SMARCC1: variants seen among roughly 807,000 people sequenced by gnomAD.
SMARCC1 encodes SWI/SNF related BAF chromatin remodeling complex subunit C1.
Under a neutral mutation model 147.4 loss-of-function variants are expected in SMARCC1, and 43 were observed. That is an observed-to-expected ratio of 0.29 (90% CI 0.23 to 0.38). The LOEUF is 0.38. Ranked by LOEUF, SMARCC1 falls within the 10% of genes least tolerant of loss-of-function variation. The pLI is 1.00. For synonymous variants in SMARCC1, 495 were observed against 484.4 expected (o/e 1.02, Z -0.29); for missense variants, 1,119 against 1,381.1 (o/e 0.81, Z 3.01).
chr3:47,671,798 G>T (rs1301887559), intron 18 of SMARCC1, among the ~76,000 whole-genome samples: 2 of 152,014 alleles, frequency 1.3e-5, no homozygotes, highest in Admixed American at 6.6e-5. Flanking sequence ...ACTCTATTTT[G>T]AGAGATTACC....
At chr3:47,752,685 T>A (rs772903756) in intron 2 of SMARCC1, among the ~76,000 whole-genome samples, 2 of 151,824 alleles carry the variant, frequency 1.3e-5, no homozygotes, top group Non-Finnish European at 2.9e-5. Flanking sequence ...AGCTACCCAG[T>A]AGGCTGAGTC....
At chr3:47,746,910 A>C (rs1470816850) in intron 2 of SMARCC1, among the ~76,000 whole-genome samples, 2 of 151,868 alleles carry the variant, frequency 1.3e-5, no homozygotes, top group Middle Eastern at 3.2e-3. Context: ...TTGCATTTTT[A>C]GTAGAGACAG....
chr3:47,722,009 G>A (rs1292099526), intron 6 of SMARCC1, among the ~76,000 whole-genome samples: 2 of 152,040 alleles, frequency 1.3e-5, no homozygotes, highest in East Asian at 1.9e-4. Flanking sequence ...GCAAAAATGA[G>A]TCTCCATCTC....
chr3:47,725,461 T>TA (rs1436517220), intron 6 of SMARCC1, among the ~76,000 whole-genome samples: 11 of 151,968 alleles, frequency 7.2e-5, no homozygotes, highest in South Asian at 2.1e-4. Flanking sequence ...TATATATATA[T>TA]TTTTTTGGAG....
intron 26 of SMARCC1, among the ~76,000 whole-genome samples, chr3:47,607,754 T>A (rs1220668966): frequency 6.6e-6 from 1 of 152,068 alleles, no homozygotes; most frequent in Non-Finnish European, 1.5e-5. Flanking sequence ...AATTTTAGCA[T>A]CAAAAAAAGC....
chr3:47,648,331 A>G (rs1207252777), intron 21 of SMARCC1, among the ~76,000 whole-genome samples: 1 of 151,958 alleles, frequency 6.6e-6, no homozygotes. Context: ...CTCAAATACT[A>G]CTTTTTTTTG....
rs867447903 is a variant in SMARCC1 at position 47,751,145 on chromosome 3, G to A, written c.316-5152C>T. ...ATTCCTGACCTTAGGTGATCCGCCC[G>A]CCTCAGCCTCCCAAAGTGCTGGGAT... is the stretch of plus-strand genomic sequence containing the variant. On this transcript the variant is annotated intron_variant, in intron 2 of 27. Transcript: ENST00000254480. 9.9e-5 allele frequency among the ~76,000 whole-genome samples: 15 copies of A among 151,836 alleles called. 1 individual carries two copies. The South Asian group carries it at 1.0e-3, about 11-fold the overall frequency.
chr3:47,603,985 C>T lies in SMARCC1; in HGVS notation c.3043+6081G>A, dbSNP rs184167035. 17 of 456,780 alleles carry T rather than the reference C, an allele frequency of 3.7e-5. No individual in the cohort carries two copies. The Middle Eastern group carries it at 1.3e-3, about 35-fold the overall frequency. The allele number at this position is 456,780 out of a possible 1,614,324, so 28.3% of individuals were successfully genotyped here. ...AAGAGCCAAGGAAGAGCAATAGAGG[C>T]ATGCACGCAGTAGTCTCCAAACAAA... is the stretch of plus-strand genomic sequence containing the variant. On this transcript the variant is annotated intron_variant, in intron 26 of 27. Transcript: ENST00000254480.
intron 25 of SMARCC1, among the ~76,000 whole-genome samples, chr3:47,621,834 A>G (rs2106684744): frequency 6.6e-6 from 1 of 151,788 alleles, no homozygotes; most frequent in Non-Finnish European, 1.5e-5. Flanking sequence ...AAAAAAAAAA[A>G]GAAAGAAAAT....
At chr3:47,670,912 G>A (rs1329153525) in intron 18 of SMARCC1, among the ~76,000 whole-genome samples, 195 bp from the exon 19 acceptor site, 4 of 151,964 alleles carry the variant, frequency 2.6e-5, no homozygotes, top group East Asian at 1.9e-4. Context: ...CTGGCCAGGC[G>A]TGGTAGCTCC....
At chr3:47,773,150 G>A (rs2034935338) in intron 1 of SMARCC1, among the ~76,000 whole-genome samples, 2 of 151,506 alleles carry the variant, frequency 1.3e-5, no homozygotes, top group Non-Finnish European at 1.5e-5. Flanking sequence ...TCTTTGAGAC[G>A]GAGCTTCGGT....
chr3:47,744,160 A>G (rs1041195384), intron 3 of SMARCC1, among the ~76,000 whole-genome samples: 2 of 152,044 alleles, frequency 1.3e-5, no homozygotes, highest in Admixed American at 6.6e-5. Context: ...ACTTTAGTCA[A>G]TATCTTTTTT....
chr3:47,623,264 G>A (rs2032761695), intron 24 of SMARCC1, among the ~76,000 whole-genome samples: 1 of 149,272 alleles, frequency 6.7e-6, no homozygotes, highest in African/African-American at 2.5e-5. Flanking sequence ...CTGAGTAGCT[G>A]TGACAAGCCA....
intron 21 of SMARCC1, among the ~76,000 whole-genome samples, chr3:47,642,619 A>AAC (rs2033063807): frequency 7.4e-6 from 1 of 135,642 alleles, no homozygotes; most frequent in African/African-American, 2.6e-5. Flanking sequence ...ACAACAACAA[A>AAC]AACCTAATAG....
At chr3:47,749,763 A>AGG in intron 2 of SMARCC1, among the ~76,000 whole-genome samples, 1 of 142,250 alleles carries the variant, frequency 7.0e-6, no homozygotes, top group Non-Finnish European at 1.5e-5. Context: ...AGAGAGAGAG[A>AGG]GAGGTGGCGG....
intron 24 of SMARCC1, among the ~76,000 whole-genome samples, chr3:47,633,404 GGA>G (rs2032919060): frequency 6.6e-6 from 1 of 152,008 alleles, no homozygotes; most frequent in South Asian, 2.1e-4. Context: ...TGAAGACTGA[GGA>G]AGGGCACAAA....
At chr3:47,672,488 G>C (rs1281695984) in intron 18 of SMARCC1, among the ~76,000 whole-genome samples, 1 of 152,142 alleles carries the variant, frequency 6.6e-6, no homozygotes, top group Non-Finnish European at 1.5e-5. Context: ...TTACAGGTGT[G>C]AGCCACCGCG....
At chr3:47,602,270 C>A (rs544145955) in intron 26 of SMARCC1, among the ~76,000 whole-genome samples, 2 of 151,946 alleles carry the variant, frequency 1.3e-5, no homozygotes, top group Admixed American at 6.6e-5. Context: ...CCAGGCTGGG[C>A]GACACAGCAA....
chr3:47,776,422 C>T (rs2034976106), intron 1 of SMARCC1, among the ~76,000 whole-genome samples: 1 of 152,034 alleles, frequency 6.6e-6, no homozygotes, highest in African/African-American at 2.4e-5. Flanking sequence ...GCCAACATGG[C>T]CAAACTCCAT....
Sources: gnomAD v4.1 joint callset for allele counts (sites outside exome capture counted in the v4.1 genomes callset) on GRCh38, gnomAD v4.1.1 for gene constraint, MANE v1.5 for transcripts, NCBI Gene and HGNC (gene_info 2026-07-23, HGNC 2026-07-21) for gene names.